Variants in CLVS1 observed in about 807,000 individuals in gnomAD.
CLVS1 encodes the protein clavesin-1.
In CLVS1, 10 loss-of-function variants were observed where a neutral mutation model predicts 33.1. The observed-to-expected ratio is 0.30, with a 90% CI of 0.19 to 0.51. The LOEUF (loss-of-function observed/expected upper bound fraction) is 0.51. CLVS1 is among the 20% of genes least tolerant of loss of function. The probability of loss-of-function intolerance (pLI) is 0.97; values close to 1 mark genes in which losing one functional copy is unlikely to be tolerated. For synonymous variants in CLVS1, 163 were observed against 166.1 expected (o/e 0.98, Z 0.14); for missense variants, 343 against 433.4 (o/e 0.79, Z 1.85).
At position 61,252,804 on chromosome 8, in the gene CLVS1, T is replaced by C. The variant is rs536332548; in HGVS notation, c.-151-46873T>C. Among the ~76,000 whole-genome samples, 7 of 152,338 alleles carry C rather than the reference T, an allele frequency of 4.6e-5. No individual in the cohort carries two copies. The South Asian group carries it at 1.4e-3, about 32-fold the overall frequency. On this transcript the variant is annotated intron_variant, in intron 2 of 2. Coordinates refer to the CLVS1 transcript ENST00000522621. ...TTTCTCCATCCCTTTATTTTGAGCC[T>C]ATGTGTGTCTTTAAACGTGAGATGG...
At chr8:60,988,042 G>T in the CLVS1 span, among the ~76,000 whole-genome samples, 1 of 152,170 alleles carries the variant, frequency 6.6e-6, no homozygotes, top group African/African-American at 2.4e-5. Flanking sequence ...CAGGGCTGGT[G>T]AATGGCAGAT....
upstream of CLVS1, among the ~76,000 whole-genome samples, chr8:61,283,725 T>C (rs545085059): frequency 1.0e-3 from 158 of 152,332 alleles, no homozygotes; most frequent in African/African-American, 3.7e-3. Flanking sequence ...TAAACTTCAT[T>C]GTATCAAGCC....
rs547350929 is a variant in CLVS1 at position 61,093,743 on chromosome 8, C to G, written c.-243+36513C>G. Among the ~76,000 whole-genome samples, 5 of 152,350 alleles carry G rather than the reference C, an allele frequency of 3.3e-5. No homozygotes were observed. In the South Asian group the frequency reaches 8.3e-4, roughly 25 times the overall value. On this transcript the variant is annotated intron_variant, in intron 1 of 2. Coordinates refer to the CLVS1 transcript ENST00000522621. ...GCTGCTTTTTCTTGGACCCCTCCCC[C>G]CAGCAAGAAATCACTGCATTTATGT...
At chr8:61,254,978 C>G (rs1034161716) in intron 2 of CLVS1, among the ~76,000 whole-genome samples, 3 of 152,204 alleles carry the variant, frequency 2.0e-5, no homozygotes, top group African/African-American at 4.8e-5. Context: ...ATGCAGAAAT[C>G]ATTCGTCTTC....
intron 2 of CLVS1, among the ~76,000 whole-genome samples, chr8:61,184,701 G>A (rs146939767): frequency 3.4e-4 from 51 of 152,224 alleles, no homozygotes; most frequent in Non-Finnish European, 6.6e-4. Flanking sequence ...AACAAAAGAT[G>A]CCAGGAAGTT....
intron 3 of CLVS1, among the ~76,000 whole-genome samples, chr8:61,400,974 G>T (rs982434561): frequency 6.6e-6 from 1 of 151,878 alleles, no homozygotes; most frequent in Non-Finnish European, 1.5e-5. Flanking sequence ...ATTTATCAAG[G>T]ATATTGGCCT....
intron 2 of CLVS1, chr8:61,300,945 A>C (rs1810408140): frequency 6.6e-6 from 1 of 152,140 alleles, no homozygotes; most frequent in Non-Finnish European, 1.5e-5. Flanking sequence ...AAACTTGTGA[A>C]ATCTCTTCCC....
At chr8:61,416,297 GCTAGCTAGATACATACATAC>G (rs1486834693) in intron 3 of CLVS1, among the ~76,000 whole-genome samples, 159 of 150,212 alleles carry the variant, frequency 1.1e-3, no homozygotes, top group African/African-American at 3.7e-3. Flanking sequence ...TAGCTAGCTA[GCTAGCTAGATACATACATAC>G]ATACATACAT....
chr8:61,454,097 G>C (rs1563559857), intron 3 of CLVS1, 44 bp from the exon 4 acceptor site: 1 of 1,333,296 alleles, frequency 7.5e-7, no homozygotes, highest in South Asian at 1.2e-5. Context: ...AGTCTAACAA[G>C]GTGTGCTTAC....
At chr8:61,151,933 G>A (rs551547040) in intron 2 of CLVS1, among the ~76,000 whole-genome samples, 4 of 152,258 alleles carry the variant, frequency 2.6e-5, no homozygotes, top group South Asian at 2.1e-4. Context: ...GAAGGCAGAC[G>A]TCAGATAAAC....
intron 2 of CLVS1, among the ~76,000 whole-genome samples, chr8:61,368,953 T>C (rs1232009740): frequency 6.6e-6 from 1 of 152,194 alleles, no homozygotes; most frequent in Non-Finnish European, 1.5e-5. Context: ...GAAAATTTGC[T>C]TGCAGGATTT....
Position 61,301,449 on chromosome 8 carries a change from AC to A in CLVS1, c.455+1170del, listed in dbSNP as rs535727374. ...GTAGTCTTCTTCTACTTCCCTCCCA[AC>A]CCTGTTTTCTCAGGCGCCCCACCTC... On this transcript the variant is annotated intron_variant, in intron 2 of 5. Coordinates refer to ENST00000325897, the MANE Select transcript of CLVS1 (RefSeq NM_173519.3). Among the ~76,000 whole-genome samples the A allele has an allele frequency of 2.7e-4, 41 of 152,270 alleles. 1 individual carries two copies. The highest frequency in any genetic ancestry group is 4.4e-4 in the Non-Finnish European group (30 of 68,010).
At chr8:61,440,515 T>C (rs1221825224) in intron 3 of CLVS1, among the ~76,000 whole-genome samples, 1 of 152,222 alleles carries the variant, frequency 6.6e-6, no homozygotes, top group African/African-American at 2.4e-5. Flanking sequence ...CCATGTTCCT[T>C]CCGTCATTCT....
intron 2 of CLVS1, among the ~76,000 whole-genome samples, chr8:61,200,241 C>T (rs1807700066): frequency 6.6e-6 from 1 of 152,200 alleles, no homozygotes; most frequent in African/African-American, 2.4e-5. Context: ...ACCTCAGCCT[C>T]CCAAGTAGCT....
At chr8:61,021,143 A>C in the CLVS1 span, among the ~76,000 whole-genome samples, 1 of 152,184 alleles carries the variant, frequency 6.6e-6, no homozygotes, top group African/African-American at 2.4e-5. Flanking sequence ...AACTTTCAAG[A>C]GCCTGCAATA....
At chr8:61,399,885 TTGCTCTA>T (rs1814681528) in intron 3 of CLVS1, among the ~76,000 whole-genome samples, 1 of 152,184 alleles carries the variant, frequency 6.6e-6, no homozygotes, top group Admixed American at 6.5e-5. Flanking sequence ...TTATGTTCCA[TTGCTCTA>T]TGTGTCTGTT....
intron 3 of CLVS1, among the ~76,000 whole-genome samples, chr8:61,452,767 G>A (rs1164109778): frequency 1.3e-5 from 2 of 152,160 alleles, no homozygotes; most frequent in Non-Finnish European, 2.9e-5. Flanking sequence ...TACTGATATT[G>A]TCCAGTTTAG....
intron 1 of CLVS1, among the ~76,000 whole-genome samples, chr8:61,293,453 A>G (rs1810070112): frequency 1.3e-5 from 2 of 152,212 alleles, no homozygotes; most frequent in Non-Finnish European, 2.9e-5. Context: ...ACCATGGAAC[A>G]TGTAACCAAC....
chr8:61,243,497 T>A (rs1808739549), intron 2 of CLVS1, among the ~76,000 whole-genome samples: 1 of 152,200 alleles, frequency 6.6e-6, no homozygotes, highest in East Asian at 1.9e-4. Flanking sequence ...GTTTTTCTAT[T>A]GGGGCTTTAG....
Sources: gnomAD v4.1 joint callset for allele counts (sites outside exome capture counted in the v4.1 genomes callset) on GRCh38, gnomAD v4.1.1 for gene constraint, MANE v1.5 for transcripts, NCBI Gene and HGNC (gene_info 2026-07-23, HGNC 2026-07-21) for gene names.